Variants in R3HDM2 observed in about 807,000 individuals in gnomAD.
R3HDM2 encodes R3H domain containing 2.
Under a neutral mutation model 124.5 loss-of-function variants are expected in R3HDM2, and 38 were observed. The observed-to-expected ratio is 0.31, with a 90% CI of 0.24 to 0.40. R3HDM2 has a LOEUF of 0.40. R3HDM2 is among the 10% of genes least tolerant of loss of function. The probability of loss-of-function intolerance (pLI) is 1.00; values close to 1 mark genes in which losing one functional copy is unlikely to be tolerated. For missense variants in R3HDM2, 869 were observed against 1,236.9 expected, an observed-to-expected ratio of 0.70 and a Z score of 4.46; for synonymous variants, 391 against 448.0, an observed-to-expected ratio of 0.87 and a Z score of 1.61.
In R3HDM2 at chr12:57,427,642, G is replaced by A. The variant is rs970024562; in HGVS notation, c.-106+3078C>T. On this transcript the variant is annotated intron_variant, in intron 1 of 23. Coordinates refer to ENST00000402412, the MANE Select transcript of R3HDM2 (RefSeq NM_001394031.1). ...TGGGACTATAGGTGTGAGCCACTGCGCCTGGCCCTGAAGCTTTCTACTAGG... is the reference window on the plus strand; with the variant it reads ...TGGGACTATAGGTGTGAGCCACTGCACCTGGCCCTGAAGCTTTCTACTAGG... 5.3e-5 allele frequency among the ~76,000 whole-genome samples: 8 copies of A among 152,026 alleles called. 1 individual carries two copies. The highest frequency in any genetic ancestry group is 1.9e-4 in the East Asian group (1 of 5,140).
chr12:57,330,107 C>T (rs990052745), intron 2 of R3HDM2, among the ~76,000 whole-genome samples: 2 of 151,978 alleles, frequency 1.3e-5, no homozygotes, highest in African/African-American at 4.8e-5. Flanking sequence ...GCTGGGATTA[C>T]AGGCATGCAC....
At chr12:57,285,816 T>C (rs1348691341) in intron 12 of R3HDM2, among the ~76,000 whole-genome samples, 2 of 152,200 alleles carry the variant, frequency 1.3e-5, no homozygotes, top group Non-Finnish European at 2.9e-5. Flanking sequence ...AATCCTGCCA[T>C]TTATTTTCTC....
chr12:57,395,428 C>T (rs1487201030), intron 2 of R3HDM2, among the ~76,000 whole-genome samples: 1 of 151,810 alleles, frequency 6.6e-6, no homozygotes, highest in Non-Finnish European at 1.5e-5. Flanking sequence ...CGCTTGAACC[C>T]GGGAGCGGAG....
At chr12:57,302,667 CAAAAAAAAA>C (rs756266164) in intron 4 of R3HDM2, among the ~76,000 whole-genome samples, 142 of 39,784 alleles carry the variant, frequency 3.6e-3, no homozygotes, top group African/African-American at 0.01. Context: ...AATTCCGTCT[CAAAAAAAAA>C]AAAAAAAAAA....
At chr12:57,331,661 T>G (rs1195812172) in intron 2 of R3HDM2, among the ~76,000 whole-genome samples, 1 of 152,128 alleles carries the variant, frequency 6.6e-6, no homozygotes, top group African/African-American at 2.4e-5. Flanking sequence ...ACGCCTGTAA[T>G]CCCAGCACTT....
intron 14 of R3HDM2, chr12:57,272,434 G>A (rs1565900873): frequency 6.5e-7 from 1 of 1,535,038 alleles, no homozygotes; most frequent in East Asian, 2.4e-5. Flanking sequence ...AAGACAAAAA[G>A]GGGGAATGGA....
rs1257422857 is a variant in R3HDM2, at chr12:57,254,454, T to A, written c.*319A>T. On this transcript the variant is annotated 3_prime_UTR_variant, in exon 24 of 24. Coordinates refer to ENST00000402412, the MANE Select transcript of R3HDM2 (RefSeq NM_001394031.1). ...AGCTGGAGGTTGCAGTTAGCCAAGA[T>A]CGTGCTACTGCACTCCAGCTGGGGT... 2 of 320,402 alleles carry A rather than the reference T, an allele frequency of 6.2e-6. No individual in the cohort carries two copies. Among genetic ancestry groups the A allele is most frequent in the African/African-American group, 2.6e-5 (1 of 39,036 alleles). 19.8% of individuals were successfully genotyped at this position (320,402 alleles called of 1,614,324 possible).
chr12:57,411,820 C>T (rs2069029054), intron 1 of R3HDM2, among the ~76,000 whole-genome samples: 1 of 152,200 alleles, frequency 6.6e-6, no homozygotes, highest in Non-Finnish European at 1.5e-5. Flanking sequence ...TGTATCCCCA[C>T]CCAAATATCA....
chr12:57,288,015 C>CTT (rs35488015), intron 12 of R3HDM2, among the ~76,000 whole-genome samples: 26 of 129,506 alleles, frequency 2.0e-4, no homozygotes, highest in African/African-American at 4.3e-4. Flanking sequence ...TCCCTTAGGT[C>CTT]TTTTTTTTTT....
chr12:57,392,958 C>A (rs538094817), intron 2 of R3HDM2, among the ~76,000 whole-genome samples: 12 of 150,986 alleles, frequency 7.9e-5, no homozygotes, highest in Non-Finnish European at 1.8e-4. Context: ...GCACCTGCCA[C>A]CACGCCCAGC....
chr12:57,370,562 C>T (rs1306637522), intron 2 of R3HDM2, among the ~76,000 whole-genome samples: 1 of 152,074 alleles, frequency 6.6e-6, no homozygotes, highest in African/African-American at 2.4e-5. Flanking sequence ...ATTGCTTGAA[C>T]CCGGGAGGTG....
chr12:57,278,307 T>TA (rs2045341370), intron 14 of R3HDM2, among the ~76,000 whole-genome samples: 2 of 152,046 alleles, frequency 1.3e-5, no homozygotes, highest in Non-Finnish European at 2.9e-5. Flanking sequence ...AAGATTGGGG[T>TA]TTAGGGCCAG....
At chr12:57,358,814 CAATT>C (rs1342107153) in intron 2 of R3HDM2, among the ~76,000 whole-genome samples, 1 of 151,996 alleles carries the variant, frequency 6.6e-6, no homozygotes, top group Non-Finnish European at 1.5e-5. Flanking sequence ...CTTATTCTAC[CAATT>C]ATTTAGAGAG....
At chr12:57,392,559 T>C (rs1033758006) in intron 2 of R3HDM2, among the ~76,000 whole-genome samples, 4 of 152,122 alleles carry the variant, frequency 2.6e-5, no homozygotes, top group East Asian at 1.9e-4. Flanking sequence ...CCCTGACATA[T>C]AGAAGAACAA....
intron 14 of R3HDM2, chr12:57,272,666 C>T (rs1399013306): frequency 1.9e-6 from 1 of 524,338 alleles, no homozygotes; most frequent in Non-Finnish European, 3.3e-6. Context: ...AGGGAAGGAA[C>T]AATAAGGTTA....
At chr12:57,407,065 A>G (rs1217988938) in intron 1 of R3HDM2, among the ~76,000 whole-genome samples, 1 of 152,088 alleles carries the variant, frequency 6.6e-6, no homozygotes, top group Non-Finnish European at 1.5e-5. Flanking sequence ...CCTGGCCAAC[A>G]TGGTGAAACC....
chr12:57,272,300 G>A (rs551424135), intron 14 of R3HDM2, among the ~76,000 whole-genome samples: 97 of 152,224 alleles, frequency 6.4e-4, no homozygotes, highest in African/African-American at 2.2e-3. Flanking sequence ...ATGGAGTATA[G>A]TTCAGCCTGT....
Position 57,269,025 on chromosome 12 carries a change from A to T in R3HDM2, c.1772T>A (p.Val591Asp). Residue 591 changes from valine (V) to aspartate (D), a missense_variant, in exon 17 of 24, where the codon GTC (valine) becomes GAC (aspartate). Transcript: ENST00000402412. Reference sequence around the variant, plus strand: ...CAGGCCCTGGTTCTGTGGCTGCTGGACCCCAATCATGCCTTGGTAAGCCGC... The same window carrying T: ...CAGGCCCTGGTTCTGTGGCTGCTGGTCCCCAATCATGCCTTGGTAAGCCGC... ...QQAAYQGMIG[V>D]QQPQNQGLLS... 6.2e-7 allele frequency: 1 copy of T among 1,614,136 alleles called. No individual in the cohort carries two copies. The highest frequency in any genetic ancestry group is 8.5e-7 in the Non-Finnish European group (1 of 1,180,024).
intron 14 of R3HDM2, among the ~76,000 whole-genome samples, chr12:57,272,026 C>T (rs1207922649): frequency 1.3e-5 from 2 of 152,016 alleles, no homozygotes; most frequent in African/African-American, 4.8e-5. Context: ...TCTCAAGTAG[C>T]TAGGACTACA....
Sources: gnomAD v4.1 joint callset for allele counts (sites outside exome capture counted in the v4.1 genomes callset) on GRCh38, gnomAD v4.1.1 for gene constraint, MANE v1.5 for transcripts, NCBI Gene and HGNC (gene_info 2026-07-23, HGNC 2026-07-21) for gene names.